Variants in CS observed in about 807,000 individuals in gnomAD.
CS encodes the protein citrate synthase, also known as citrate synthase, mitochondrial.
CS carries 13 observed loss-of-function variants against 61.4 expected under a neutral mutation model. The ratio of observed to expected loss-of-function variants is 0.21; its 90% CI spans 0.14 to 0.34. The LOEUF (loss-of-function observed/expected upper bound fraction) is 0.34. Among genes scored for constraint, CS ranks in the 10% least tolerant of loss-of-function variants. The pLI, the probability that CS is intolerant of heterozygous loss-of-function variation, is 1.00. For synonymous variants in CS, 159 were observed against 215.2 expected, an observed-to-expected ratio of 0.74 and a Z score of 2.29; for missense variants, 278 against 573.4, an observed-to-expected ratio of 0.48 and a Z score of 5.26.
intron 6 of CS, among the ~76,000 whole-genome samples, chr12:56,279,835 G>A (rs930886515): frequency 3.3e-5 from 5 of 151,686 alleles, no homozygotes; most frequent in Non-Finnish European, 7.4e-5. Flanking sequence ...AGGCGTGGTG[G>A]TGCGCACCTG....
chr12:56,294,422 C>T (rs1007371159), intron 1 of CS, among the ~76,000 whole-genome samples: 1 of 136,534 alleles, frequency 7.3e-6, no homozygotes, highest in African/African-American at 2.8e-5. Flanking sequence ...TGCAGTGAGC[C>T]GAGATCATGC....
intron 3 of CS, among the ~76,000 whole-genome samples, chr12:56,285,688 G>A (rs1437611576): frequency 1.3e-5 from 2 of 152,164 alleles, no homozygotes; most frequent in East Asian, 1.9e-4. Context: ...AAAACAAACA[G>A]AATGAGTTCT....
chr12:56,299,993 G>A (rs573782289), intron 1 of CS, 167 bp downstream of exon 1: 5 of 608,208 alleles, frequency 8.2e-6, no homozygotes, highest in South Asian at 6.5e-5. Flanking sequence ...AGGGAAGCGC[G>A]GCACATGGTC....
At chr12:56,282,680 C>CA in intron 5 of CS, 72 bp from the exon 6 acceptor site, 1 of 1,533,814 alleles carries the variant, frequency 6.5e-7, no homozygotes. Context: ...AGGACAGCAA[C>CA]ATCTGAGTAA....
chr12:56,300,132 C>T, intron 1 of CS, 28 bp downstream of exon 1: 1 of 1,552,174 alleles, frequency 6.4e-7, no homozygotes, highest in South Asian at 1.2e-5. Flanking sequence ...CACCCTGGGA[C>T]GGCGTGCTCC....
At chr12:56,298,091 T>G (rs1873366159) in intron 1 of CS, among the ~76,000 whole-genome samples, 1 of 151,216 alleles carries the variant, frequency 6.6e-6, no homozygotes, top group Admixed American at 6.6e-5. Flanking sequence ...ATCCGCCTCC[T>G]GGGTTTGAGC....
chr12:56,297,516 A>G (rs1873341867), intron 1 of CS, among the ~76,000 whole-genome samples: 1 of 152,186 alleles, frequency 6.6e-6, no homozygotes, highest in South Asian at 2.1e-4. Flanking sequence ...AGTCTGGCCA[A>G]TATGGTGAAA....
intron 6 of CS, among the ~76,000 whole-genome samples, chr12:56,278,668 C>T (rs990684190): frequency 2.7e-5 from 4 of 149,134 alleles, no homozygotes; most frequent in South Asian, 2.1e-4. Flanking sequence ...ACCTGGGAGG[C>T]GGAGGTTGCA....
chr12:56,286,431 A>G (rs1027282053), intron 2 of CS, 164 bp downstream of exon 2: 2 of 587,964 alleles, frequency 3.4e-6, no homozygotes, highest in Admixed American at 6.2e-5. Flanking sequence ...TTATTTGTTA[A>G]ATAGTAATAT....
chr12:56,277,366 G>A (rs1172949604), intron 6 of CS, among the ~76,000 whole-genome samples: 8 of 149,302 alleles, frequency 5.4e-5, no homozygotes, highest in African/African-American at 1.7e-4. Context: ...AGGCGTGGTG[G>A]TGGGCGCCTG....
At chr12:56,291,214 A>C (rs1873114545) in intron 1 of CS, 1 of 1,182,280 alleles carries the variant, frequency 8.5e-7, no homozygotes, top group Non-Finnish European at 1.1e-6. Context: ...TTGGCCTATC[A>C]CCTACCATCA....
chr12:56,289,490 C>T (rs745582817), intron 1 of CS, among the ~76,000 whole-genome samples: 26 of 151,814 alleles, frequency 1.7e-4, no homozygotes, highest in Admixed American at 3.9e-4. Context: ...TTACCCAGGC[C>T]GGAGTGCAGT....
chr12:56,292,730 CAAAAAAAAAAAA>C (rs531365770), intron 1 of CS, among the ~76,000 whole-genome samples: 5 of 56,880 alleles, frequency 8.8e-5, no homozygotes, highest in Admixed American at 1.9e-4. Context: ...TAAAAAAATA[CAAAAAAAAAAAA>C]AAAAAAAAAA....
chr12:56,285,814 C>T (rs1352873243), intron 3 of CS, 102 bp downstream of exon 3: 2 of 932,626 alleles, frequency 2.1e-6, no homozygotes, highest in East Asian at 2.4e-5. Context: ...CCTACAGGGC[C>T]TATGGGACAG....
At chr12:56,276,889 G>A (rs919906359) in intron 6 of CS, among the ~76,000 whole-genome samples, 2 of 151,980 alleles carry the variant, frequency 1.3e-5, no homozygotes, top group East Asian at 1.9e-4. Flanking sequence ...ATGACTTGAC[G>A]TTCAATGTGT....
intron 6 of CS, among the ~76,000 whole-genome samples, chr12:56,280,248 T>C (rs1331354608): frequency 2.0e-5 from 3 of 151,540 alleles, no homozygotes; most frequent in Non-Finnish European, 4.4e-5. Flanking sequence ...ACCCTGTCTC[T>C]ACTAAAAATA....
chr12:56,294,080 CA>C (rs1473569585), intron 1 of CS, among the ~76,000 whole-genome samples: 1 of 152,192 alleles, frequency 6.6e-6, no homozygotes, highest in African/African-American at 2.4e-5. Flanking sequence ...AAAGCCTGAG[CA>C]ATCTACAGAT....
At chr12:56,297,751 C>T (rs1303506424) in intron 1 of CS, among the ~76,000 whole-genome samples, 33 of 152,180 alleles carry the variant, frequency 2.2e-4, no homozygotes, top group Admixed American at 2.2e-3. Flanking sequence ...ACACCTGACG[C>T]TGAGACTCAA....
At chr12:56,279,743 G>A (rs1872718236) in intron 6 of CS, among the ~76,000 whole-genome samples, 1 of 150,938 alleles carries the variant, frequency 6.6e-6, no homozygotes, top group Admixed American at 6.6e-5. Flanking sequence ...TCCAGCCTGG[G>A]CAACAGAGCG....
Sources: gnomAD v4.1 joint callset for allele counts (sites outside exome capture counted in the v4.1 genomes callset) on GRCh38, gnomAD v4.1.1 for gene constraint, MANE v1.5 for transcripts, NCBI Gene and HGNC (gene_info 2026-07-23, HGNC 2026-07-21) for gene names.